Variants in NOL9 observed in about 807,000 individuals in gnomAD.
The protein encoded by NOL9 is polynucleotide 5'-hydroxyl-kinase NOL9.
In NOL9, 28 loss-of-function variants were observed where a neutral mutation model predicts 67.9. The observed-to-expected ratio is 0.41, with a 90% confidence interval of 0.31 to 0.57. The LOEUF (loss-of-function observed/expected upper bound fraction) is 0.57. Ranked by LOEUF, NOL9 falls within the 20% of genes least tolerant of loss-of-function variation. NOL9 has a pLI of 0.25. For synonymous variants in NOL9, 356 were observed against 352.2 expected, an observed-to-expected ratio of 1.01 and a Z score of -0.12; for missense variants, 777 against 897.0, an observed-to-expected ratio of 0.87 and a Z score of 1.71.
At chr1:6,530,228 G>A (rs1638990701) in intron 9 of NOL9, among the ~76,000 whole-genome samples, 1 of 151,990 alleles carries the variant, frequency 6.6e-6, no homozygotes, top group Non-Finnish European at 1.5e-5. Context: ...TGAGGCGGGT[G>A]GATCATCTGA....
Position 6,521,716 on chromosome 1 carries a change from C to G in NOL9, c.*4138G>C, listed in dbSNP as rs1224213762. ...AAGTAGCTGTGGATTCATTTAGTTT[C>G]TGCATCCCTCCAGCATGACCGTGAG... On this transcript the variant is annotated 3_prime_UTR_variant, in exon 12 of 12. Transcript: ENST00000377705. 1.3e-5 allele frequency: 2 copies of G among 152,204 alleles called. No individual in the cohort carries two copies. The highest frequency in any genetic ancestry group is 2.9e-5 in the Non-Finnish European group (2 of 68,030). The allele number at this position is 152,204 out of a possible 1,614,324, so 9.4% of individuals were successfully genotyped here.
At chr1:6,551,164 A>G (rs1467998960) in intron 1 of NOL9, among the ~76,000 whole-genome samples, 1 of 152,130 alleles carries the variant, frequency 6.6e-6, no homozygotes, top group Non-Finnish European at 1.5e-5. Flanking sequence ...TTTAAAAATT[A>G]GCAGGGTGCA....
At chr1:6,542,570 G>A (rs1166077545) in intron 5 of NOL9, among the ~76,000 whole-genome samples, 1 of 151,558 alleles carries the variant, frequency 6.6e-6, no homozygotes, top group African/African-American at 2.4e-5. Context: ...CAATTCTCCT[G>A]CCTCAGCCTC....
intron 10 of NOL9, 109 bp from the exon 11 acceptor site, chr1:6,526,938 G>C (rs1023468701): frequency 7.3e-7 from 1 of 1,367,526 alleles, no homozygotes; most frequent in African/African-American, 1.5e-5. Flanking sequence ...TATCAACTCT[G>C]TTTTGTTTTG....
intron 3 of NOL9, 78 bp from the exon 4 acceptor site, chr1:6,545,258 C>T: frequency 7.3e-7 from 1 of 1,375,296 alleles, no homozygotes; most frequent in Non-Finnish European, 1.0e-6. Flanking sequence ...AAGCCTCACA[C>T]AGTTGTGAGC....
At chr1:6,539,954 G>A (rs990469481) in intron 6 of NOL9, among the ~76,000 whole-genome samples, 1 of 152,120 alleles carries the variant, frequency 6.6e-6, no homozygotes, top group Non-Finnish European at 1.5e-5. Flanking sequence ...GGCTAGGAAA[G>A]AGGACAAGAG....
chr1:6,534,181 C>G (rs2148653437), intron 6 of NOL9, among the ~76,000 whole-genome samples: 1 of 152,282 alleles, frequency 6.6e-6, no homozygotes, highest in East Asian at 1.9e-4. Context: ...GCCACCATGC[C>G]CAGCCAAGAG....
intron 3 of NOL9, among the ~76,000 whole-genome samples, chr1:6,545,919 C>CAAA (rs66980518): frequency 0.7 from 41,488 of 59,562 alleles, 16,749 homozygotes; most frequent in Middle Eastern, 0.87. Context: ...GTCTGTGTCT[C>CAAA]AAAAAAAAAA....
chr1:6,544,608 G>GGAAGTCTGCCTGCAGGTAAGGC (rs1639380641), intron 5 of NOL9, among the ~76,000 whole-genome samples: 1 of 127,554 alleles, frequency 7.8e-6, no homozygotes, highest in East Asian at 2.3e-4. Flanking sequence ...GTCTCCTCTT[G>GGAAGTCTGCCTGCAGGTAAGGC]GAAGTCTGCC....
Position 6,545,098 on chromosome 1 carries a change from T to A in NOL9, c.827A>T (p.Gln276Leu). The A allele has an allele frequency of 1.2e-6, 2 of 1,614,224 alleles. No individual in the cohort carries two copies. The highest frequency in any genetic ancestry group is 1.7e-6 in the Non-Finnish European group (2 of 1,180,030). Residue 276 changes from glutamine to leucine, a missense_variant, in exon 4 of 12, where the codon CAG becomes CTG. Physicochemically the swap from Gln to Leu is moderately radical, Grantham distance 113 (BLOSUM62 -2). Coordinates refer to ENST00000377705, the MANE Select transcript of NOL9 (RefSeq NM_024654.5). ...IRREKKRKGL[Q>L]LTESTLSALE... ...GGCTGAAAGGGTACTCTCAGTTAAC[T>A]GAAGGCCTTTCCTTTTTTTCTCTCT...
chr1:6,540,827 C>G (rs1295925521), intron 6 of NOL9: 1 of 145,526 alleles, frequency 6.9e-6, no homozygotes, highest in Non-Finnish European at 1.5e-5. Context: ...AAGACTCCAT[C>G]TTAAAAAAAA....
intron 1 of NOL9, among the ~76,000 whole-genome samples, chr1:6,553,776 A>G (rs1254212096): frequency 6.6e-6 from 1 of 152,152 alleles, no homozygotes; most frequent in Non-Finnish European, 1.5e-5. Context: ...CGGGATGCGG[A>G]GGTTGCAGTG....
chr1:6,544,554 GC>G (rs1225067899), intron 5 of NOL9, among the ~76,000 whole-genome samples: 2 of 12,288 alleles, frequency 1.6e-4, no homozygotes, highest in African/African-American at 2.8e-4. Flanking sequence ...CCCCCCCCCC[GC>G]CCCCCACCCC....
In NOL9 at chr1:6,550,281, T is replaced by C. The variant is rs1639517117; in HGVS notation, c.616+115A>G. On this transcript the variant is annotated intron_variant, in intron 2 of 11. Transcript: ENST00000377705. ...CTCCTGACCTCATGATCCGCCCGCC[T>C]TGGCCTCCCAAAGTGCTGGGATTAT... 12 of 832,150 alleles carry C rather than the reference T, an allele frequency of 1.4e-5. No individual in the cohort carries two copies. The South Asian group carries it at 1.7e-4, about 12-fold the overall frequency. The allele number at this position is 832,150 out of a possible 1,614,324, so 51.5% of individuals were successfully genotyped here. A position where few individuals can be genotyped will look rare whatever the true frequency, so the allele number is the denominator to read the frequency against.
intron 1 of NOL9, among the ~76,000 whole-genome samples, chr1:6,553,318 C>T (rs1639584059): frequency 6.6e-6 from 1 of 152,096 alleles, no homozygotes; most frequent in African/African-American, 2.4e-5. Context: ...GGAATGGCAT[C>T]CACGTTAAGA....
At chr1:6,552,129 T>G (rs946365193) in intron 1 of NOL9, among the ~76,000 whole-genome samples, 1 of 152,190 alleles carries the variant, frequency 6.6e-6, no homozygotes, top group African/African-American at 2.4e-5. Context: ...GGTAACAACA[T>G]ACACTGGAGC....
Position 6,529,031 on chromosome 1 carries a change from C to T in NOL9, c.1788G>A (p.Leu596=). 1 of 1,614,112 alleles carries T rather than the reference C, an allele frequency of 6.2e-7. No homozygotes were observed. ...DVRGYTNGPI[L]LAQTPICDCL... is the part of the protein sequence containing the mutation. ...AGTCACAGATTGGAGTCTGGGCAAG[C>T]AGGATGGGCCCATTCGTGTATCCTC... Residue 596 remains leucine, a synonymous_variant, in exon 10 of 12, where the codon CTG becomes CTA. Transcript: ENST00000377705.
rs962845210 is a variant in NOL9 at position 6,532,833 on chromosome 1, C to A, written c.1238-73G>T. 29 of 1,351,960 alleles carry A rather than the reference C, an allele frequency of 2.1e-5. No individual in the cohort carries two copies. In the African/African-American group the frequency reaches 4.1e-4, roughly 19 times the overall value. 83.7% of individuals were successfully genotyped at this position (1,351,960 alleles called of 1,614,324 possible). A position where few individuals can be genotyped will look rare whatever the true frequency, so the allele number is the denominator to read the frequency against. On this transcript the variant is annotated intron_variant, in intron 7 of 11. Coordinates refer to ENST00000377705, the MANE Select transcript of NOL9 (RefSeq NM_024654.5). ...CGCGCTCAAGAACAGTGACATGCTC[C>A]TACGACAAATGGATGCATTTGTTCT...
rs1407683734 is a variant in NOL9 at position 6,550,320 on chromosome 1, C to G, written c.616+76G>C. On this transcript the variant is annotated intron_variant, in intron 2 of 11. Transcript: ENST00000377705. Reference sequence around the variant, plus strand: ...TGCTGGGATTATAGGCGTGAGCCACCGCGCCTGGCCCTAAAAATTATGAAT... The same window carrying G: ...TGCTGGGATTATAGGCGTGAGCCACGGCGCCTGGCCCTAAAAATTATGAAT... 5 of 1,320,064 alleles carry G rather than the reference C, an allele frequency of 3.8e-6. No individual in the cohort carries two copies. The East Asian group carries it at 6.9e-5, about 18-fold the overall frequency. 81.8% of individuals were successfully genotyped at this position (1,320,064 alleles called of 1,614,324 possible).
Sources: allele counts gnomAD v4.1 joint callset (sites outside exome capture counted in the v4.1 genomes callset), GRCh38; gene constraint gnomAD v4.1.1; transcripts MANE v1.5; gene names NCBI Gene and HGNC (gene_info 2026-07-23, HGNC 2026-07-21).